The following LYPD4 variants were observed in gnomAD, a reference collection of about 807,000 sequenced individuals.
LYPD4 encodes ly6/PLAUR domain-containing protein 4.
In LYPD4, 20 loss-of-function variants were observed where a neutral mutation model predicts 18.2. That is an observed-to-expected ratio of 1.10 (90% CI 0.77 to 1.59). The LOEUF (loss-of-function observed/expected upper bound fraction) is 1.59, where lower values mean the gene tolerates loss of function less well. LYPD4 is among the 40% of genes most tolerant of loss of function. LYPD4 has a pLI of 0.00. For synonymous variants in LYPD4, 111 were observed against 118.3 expected, an observed-to-expected ratio of 0.94 and a Z score of 0.40; for missense variants, 278 against 300.3, an observed-to-expected ratio of 0.93 and a Z score of 0.55.
chr19:41,842,462 T>C (rs1439768523), intron 1 of LYPD4, among the ~76,000 whole-genome samples: 1 of 151,960 alleles, frequency 6.6e-6, no homozygotes, highest in African/African-American at 2.4e-5. Context: ...TGATTAGATG[T>C]ACACAGGATG....
chr19:41,843,033 A>T lies in LYPD4; in HGVS notation c.-121+545T>A, dbSNP rs1408797478. 9.9e-3 allele frequency among the ~76,000 whole-genome samples: 161 copies of T among 16,280 alleles called. 1 individual carries two copies. The highest frequency in any genetic ancestry group is 0.034 in the African/African-American group (156 of 4,640). 10.7% of individuals were successfully genotyped at this position (16,280 alleles called of 152,430 possible). A position where few individuals can be genotyped will look rare whatever the true frequency, so the allele number is the denominator to read the frequency against. ...GTTAATATGGCAAAACCCCATCGCTAAAAAAAAAAAAAAAAAAAAAAAAAA... is the reference window on the plus strand; with the variant it reads ...GTTAATATGGCAAAACCCCATCGCTTAAAAAAAAAAAAAAAAAAAAAAAAA... On this transcript the variant is annotated intron_variant, in intron 1 of 4. Transcript: ENST00000609812.
rs551360966 is a variant in LYPD4 at position 41,838,644 on chromosome 19, G to A, written c.211+237C>T. Among the ~76,000 whole-genome samples, 10 of 151,926 alleles carry A rather than the reference G, an allele frequency of 6.6e-5. No individual in the cohort carries two copies. The South Asian group carries it at 1.0e-3, about 16-fold the overall frequency. On this transcript the variant is annotated intron_variant, in intron 3 of 4. Transcript: ENST00000609812. Reference sequence around the variant, plus strand: ...GCACAGTGGCTTATGCCTGTAATCCGGACACTTTGGGAGGCCAAGGTGGGC... The same window carrying A: ...GCACAGTGGCTTATGCCTGTAATCCAGACACTTTGGGAGGCCAAGGTGGGC...
intron 3 of LYPD4, 81 bp from the exon 4 acceptor site, chr19:41,838,342 C>T (rs1600545090): frequency 8.0e-7 from 1 of 1,244,572 alleles, no homozygotes; most frequent in East Asian, 2.7e-5. Context: ...GCTCTTTCTG[C>T]ACCCACCCTG....
At chr19:41,839,447 C>T in intron 1 of LYPD4, 42 bp from the exon 2 acceptor site, 1 of 664,612 alleles carries the variant, frequency 1.5e-6, no homozygotes, top group Non-Finnish European at 2.6e-6. Flanking sequence ...AGGACATAGG[C>T]TCCCTCAGAC....
downstream of LYPD4, among the ~76,000 whole-genome samples, chr19:41,836,527 T>C (rs1163185731): frequency 1.3e-5 from 2 of 151,892 alleles, no homozygotes; most frequent in Non-Finnish European, 2.9e-5. Context: ...ATATCCTGTA[T>C]GTAAAACACT....
chr19:41,839,328 T>A lies in LYPD4; in HGVS notation c.-43A>T. On this transcript the variant is annotated 5_prime_UTR_variant, in exon 2 of 5. Coordinates refer to ENST00000609812, the MANE Select transcript of LYPD4 (RefSeq NM_173506.7). The stretch of plus-strand genomic sequence containing the variant: ...CTGGGTGCTAGAGGTCAGTCTGGAA[T>A]CAGTTTCAGTCTGGATCCCAAGCTC... 1 of 1,574,614 alleles carries A rather than the reference T, an allele frequency of 6.4e-7. No individual in the cohort carries two copies. Among genetic ancestry groups the A allele is most frequent in the Non-Finnish European group, 8.7e-7 (1 of 1,144,142 alleles).
intron 1 of LYPD4, among the ~76,000 whole-genome samples, chr19:41,841,265 T>A (rs1172492609): frequency 6.6e-6 from 1 of 151,198 alleles, no homozygotes; most frequent in Non-Finnish European, 1.5e-5. Context: ...CTTATGCCGG[T>A]AATTCCAGTG....
At position 41,837,358 on chromosome 19, in the gene LYPD4, G is replaced by C. The variant is rs758706526; in HGVS notation, c.539-13C>G. On this transcript the variant is annotated splice_polypyrimidine_tract_variant and intron_variant, in intron 4 of 4. Coordinates refer to ENST00000609812, the MANE Select transcript of LYPD4 (RefSeq NM_173506.7). ...GTATTGAGAAACCCTGTAAGGAAGA[G>C]AGGGAGAAGTCAGGAACACTTTCAA... The C allele has an allele frequency of 3.0e-5, 48 of 1,613,724 alleles. No individual in the cohort carries two copies. The highest frequency in any genetic ancestry group is 4.0e-5 in the Non-Finnish European group (47 of 1,179,768).
Position 41,841,765 on chromosome 19 carries a change from C to G in LYPD4, c.-121+1813G>C, listed in dbSNP as rs373542130. 5.9e-5 allele frequency among the ~76,000 whole-genome samples: 9 copies of G among 151,534 alleles called. No individual in the cohort carries two copies. The South Asian group carries it at 8.3e-4, about 14-fold the overall frequency. On this transcript the variant is annotated intron_variant, in intron 1 of 4. Coordinates refer to ENST00000609812, the MANE Select transcript of LYPD4 (RefSeq NM_173506.7). ...GTACATCTATCAGACTGGTAAGGAT[C>G]AGAAAGCTGGGAAAAGACAAGTGTT...
At chr19:41,835,380 G>T (rs2073361286), downstream of LYPD4, 1 of 152,200 alleles carries the variant, frequency 6.6e-6, no homozygotes, top group Non-Finnish European at 1.5e-5. Flanking sequence ...CCATCCATTT[G>T]TGACACCTAG....
intron 1 of LYPD4, among the ~76,000 whole-genome samples, chr19:41,842,615 G>A (rs537598907): frequency 2.0e-5 from 3 of 151,290 alleles, no homozygotes; most frequent in Non-Finnish European, 2.9e-5. Flanking sequence ...AAAATTAGTC[G>A]AGTGTGGTGG....
At chr19:41,840,492 T>C (rs1399389832) in intron 1 of LYPD4, among the ~76,000 whole-genome samples, 8 of 152,222 alleles carry the variant, frequency 5.3e-5, no homozygotes, top group Non-Finnish European at 4.4e-5. Context: ...TGTACCACTT[T>C]TGCAACTTCC....
intron 4 of LYPD4, among the ~76,000 whole-genome samples, 165 bp downstream of exon 4, chr19:41,837,770 C>G (rs1428332298): frequency 6.6e-6 from 1 of 152,046 alleles, no homozygotes; most frequent in Non-Finnish European, 1.5e-5. Context: ...CCATGAGAGA[C>G]TTAGGCACCA....
chr19:41,838,173 TC>T lies in LYPD4; in HGVS notation c.299del (p.Gly100GlufsTer26). The T allele has an allele frequency of 6.2e-7, 1 of 1,601,196 alleles. No homozygotes were observed. ...CGCGACTGTAGGAGGCAATGGACAC[TC>T]CGGGTGGGGAAACAAGGTAGGAGAT... ...AQISYLVSPPGVSIASYSRVC... is the reference protein window; with the variant it reads ...AQISYLVSPPXVSIASYSRVC... On this transcript the variant is annotated frameshift_variant, in exon 4 of 5. Coordinates refer to ENST00000609812, the MANE Select transcript of LYPD4 (RefSeq NM_173506.7). LOFTEE classifies it high-confidence loss of function.
downstream of LYPD4, chr19:41,835,715 G>C: frequency 3.3e-6 from 3 of 909,522 alleles, no homozygotes; most frequent in Non-Finnish European, 3.9e-6. Context: ...TGGTCATGGA[G>C]GTCACAGAGG....
At chr19:41,839,443 T>C (rs1490814313) in intron 1 of LYPD4, 38 bp from the exon 2 acceptor site, 9 of 683,918 alleles carry the variant, frequency 1.3e-5, no homozygotes, top group South Asian at 1.8e-5. Context: ...TTCTAGGACA[T>C]AGGCTCCCTC....
chr19:41,842,764 CAAAAAAAAAAAAAAAA>C (rs782233081), intron 1 of LYPD4, among the ~76,000 whole-genome samples: 39 of 49,802 alleles, frequency 7.8e-4, no homozygotes, highest in African/African-American at 3.8e-3. Flanking sequence ...TCCGTCTAAA[CAAAAAAAAAAAAAAAA>C]AAAAAAAAAA....
intron 4 of LYPD4, 27 bp from the exon 5 acceptor site, chr19:41,837,372 G>A: frequency 5.0e-6 from 8 of 1,613,114 alleles, no homozygotes; most frequent in East Asian, 2.2e-5. Context: ...GAGAAGTCAG[G>A]AACACTTTCA....
chr19:41,839,911 T>G (rs2073520687), intron 1 of LYPD4, among the ~76,000 whole-genome samples: 1 of 151,186 alleles, frequency 6.6e-6, no homozygotes, highest in South Asian at 2.1e-4. Flanking sequence ...TAGCCAGGGG[T>G]GGTGGCACGA....
Sources: gnomAD v4.1 joint callset for allele counts (sites outside exome capture counted in the v4.1 genomes callset) on GRCh38, gnomAD v4.1.1 for gene constraint, MANE v1.5 for transcripts, NCBI Gene and HGNC (gene_info 2026-07-23, HGNC 2026-07-21) for gene names.